DOCK7: variants seen among roughly 807,000 people sequenced by gnomAD.
DOCK7 encodes the protein dedicator of cytokinesis protein 7.
Under a neutral mutation model 271.0 loss-of-function variants are expected in DOCK7, and 138 were observed. The observed-to-expected ratio is 0.51, with a 90% CI of 0.44 to 0.59. The LOEUF (loss-of-function observed/expected upper bound fraction) is 0.59. Ranked by LOEUF, DOCK7 falls within the 20% of genes least tolerant of loss-of-function variation. The pLI is 0.00. For missense variants in DOCK7, 2,066 were observed against 2,592.4 expected (o/e 0.80, Z 4.41); for synonymous variants, 823 against 876.1 (o/e 0.94, Z 1.07).
chr1:62,472,687 C>G (rs756848088), intron 48 of DOCK7, among the ~76,000 whole-genome samples: 5 of 152,132 alleles, frequency 3.3e-5, no homozygotes, highest in Non-Finnish European at 7.3e-5. Context: ...TCTTACACCT[C>G]CCAAATAATA....
chr1:62,533,916 T>A (rs866084501), intron 29 of DOCK7, among the ~76,000 whole-genome samples: 5 of 151,972 alleles, frequency 3.3e-5, no homozygotes, highest in African/African-American at 9.7e-5. Context: ...AAAAAAAAAA[T>A]TTTAAGCCAT....
At chr1:62,619,261 T>C (rs1557811807) in intron 13 of DOCK7, among the ~76,000 whole-genome samples, 2 of 152,246 alleles carry the variant, frequency 1.3e-5, no homozygotes, top group Non-Finnish European at 2.9e-5. Context: ...GCTCCAATCA[T>C]AATATGAATC....
chr1:62,580,055 A>G (rs1027821424), intron 16 of DOCK7, among the ~76,000 whole-genome samples: 1 of 152,198 alleles, frequency 6.6e-6, no homozygotes, highest in Non-Finnish European at 1.5e-5. Flanking sequence ...TTCCATATTC[A>G]GTGAGTATCT....
intron 18 of DOCK7, among the ~76,000 whole-genome samples, chr1:62,574,767 C>T (rs1163543620): frequency 1.3e-5 from 2 of 152,052 alleles, no homozygotes; most frequent in African/African-American, 2.4e-5. Flanking sequence ...CTCACTCTGC[C>T]GCCCAGGCTG....
chr1:62,685,186 C>T (rs1250788285), intron 1 of DOCK7, among the ~76,000 whole-genome samples: 1 of 152,134 alleles, frequency 6.6e-6, no homozygotes, highest in Non-Finnish European at 1.5e-5. Flanking sequence ...CACAACAACC[C>T]TACGAGGTTA....
intron 14 of DOCK7, among the ~76,000 whole-genome samples, chr1:62,602,549 T>G (rs1650306997): frequency 6.6e-6 from 1 of 151,794 alleles, no homozygotes; most frequent in Non-Finnish European, 1.5e-5. Context: ...TTACACTTAT[T>G]ACAACTGTTA....
At position 62,601,734 on chromosome 1, in the gene DOCK7, C is replaced by T. The variant is rs1376670193; in HGVS notation, c.1683-15110G>A. 3.6e-6 allele frequency: 5 copies of T among 1,385,026 alleles called. No individual in the cohort carries two copies. The East Asian group carries it at 6.9e-5, about 19-fold the overall frequency. 85.8% of individuals were successfully genotyped at this position (1,385,026 alleles called of 1,614,324 possible). On this transcript the variant is annotated intron_variant, in intron 14 of 49. Coordinates refer to ENST00000635253, the MANE Select transcript of DOCK7 (RefSeq NM_001367561.1). ...AGCTCCAAAGATATTATTCCTATTA[C>T]TAAATCTGATGTAATAACATTTTAT...
In DOCK7 at chr1:62,533,102, C is replaced by A. The variant is rs895285539; in HGVS notation, c.3611+2391G>T. On this transcript the variant is annotated intron_variant, in intron 29 of 49. Transcript: ENST00000635253. Reference sequence around the variant, plus strand: ...TTCTGGGGGTTTATCCGTTCGGAGCCCCCCCTCCCTCTATATCAGGCAGCC... The same window carrying A: ...TTCTGGGGGTTTATCCGTTCGGAGCACCCCCTCCCTCTATATCAGGCAGCC... Among the ~76,000 whole-genome samples the A allele has an allele frequency of 7.3e-4, 111 of 152,050 alleles. 1 individual carries two copies. The highest frequency in any genetic ancestry group is 2.3e-3 in the Admixed American group (35 of 15,254).
In DOCK7 at chr1:62,461,590, C is replaced by A. The variant is rs190939606; in HGVS notation, c.6213-3885G>T. On this transcript the variant is annotated intron_variant, in intron 48 of 49. Coordinates refer to ENST00000635253, the MANE Select transcript of DOCK7 (RefSeq NM_001367561.1). The stretch of plus-strand genomic sequence containing the variant: ...GCTGAGGCAGGAGGATCGCTTGAAT[C>A]CAGCAGGTCAAGGCTGCAGTGAGCC... Among the ~76,000 whole-genome samples the A allele has an allele frequency of 5.6e-3, 850 of 151,286 alleles. 6 individuals carry two copies. Among genetic ancestry groups the A allele is most frequent in the African/African-American group, 0.019 (801 of 41,146 alleles).
At chr1:62,490,912 T>TA (rs1166795968) in intron 41 of DOCK7, among the ~76,000 whole-genome samples, 1 of 152,308 alleles carries the variant, frequency 6.6e-6, no homozygotes, top group East Asian at 1.9e-4. Context: ...CCTAATATTT[T>TA]AACTCTGCAA....
chr1:62,660,234 T>C (rs897051335), intron 2 of DOCK7, among the ~76,000 whole-genome samples: 4 of 152,130 alleles, frequency 2.6e-5, no homozygotes, highest in South Asian at 2.1e-4. Context: ...TCTCTGACTA[T>C]AGTAGAATCA....
chr1:62,503,450 T>C (rs903962469), intron 37 of DOCK7, among the ~76,000 whole-genome samples: 1 of 151,876 alleles, frequency 6.6e-6, no homozygotes, highest in Non-Finnish European at 1.5e-5. Flanking sequence ...AATTTTTTTT[T>C]TTTTTGAGAC....
intron 34 of DOCK7, among the ~76,000 whole-genome samples, chr1:62,509,970 A>G (rs143361325): frequency 8.5e-5 from 13 of 152,260 alleles, no homozygotes; most frequent in African/African-American, 3.1e-4. Context: ...CCATTCTCAA[A>G]GTTTTATGGG....
chr1:62,604,130 A>T (rs752084515), intron 14 of DOCK7: 2 of 1,613,430 alleles, frequency 1.2e-6, no homozygotes, highest in East Asian at 2.2e-5. Flanking sequence ...TCTAGTTGCG[A>T]TTACTGGCAA....
chr1:62,518,243 C>T (rs1644730955), intron 31 of DOCK7, among the ~76,000 whole-genome samples: 1 of 151,398 alleles, frequency 6.6e-6, no homozygotes, highest in African/African-American at 2.4e-5. Flanking sequence ...CAAGATCAGC[C>T]TGGCCAACAT....
chr1:62,663,896 G>A (rs1243521234), intron 1 of DOCK7, among the ~76,000 whole-genome samples: 2 of 152,256 alleles, frequency 1.3e-5, no homozygotes, highest in East Asian at 3.9e-4. Flanking sequence ...TGTTTTAAAA[G>A]GCTAACTTCC....
At chr1:62,645,561 T>C (rs990732627) in intron 7 of DOCK7, among the ~76,000 whole-genome samples, 2 of 152,184 alleles carry the variant, frequency 1.3e-5, no homozygotes, top group Non-Finnish European at 2.9e-5. Context: ...TTAACAAATA[T>C]GAGATTTCTT....
chr1:62,548,860 G>A (rs948306770), intron 22 of DOCK7, among the ~76,000 whole-genome samples: 4 of 152,212 alleles, frequency 2.6e-5, no homozygotes, highest in Non-Finnish European at 4.4e-5. Flanking sequence ...GGTAGCAATG[G>A]AGATGGAAAG....
intron 33 of DOCK7, 141 bp from the exon 34 acceptor site, chr1:62,510,814 A>T (rs1380619087): frequency 3.8e-6 from 2 of 522,814 alleles, no homozygotes; most frequent in Non-Finnish European, 6.5e-6. Flanking sequence ...AAAACCTGAC[A>T]ATGGTGCTTT....
Sources: allele counts gnomAD v4.1 joint callset (sites outside exome capture counted in the v4.1 genomes callset), GRCh38; gene constraint gnomAD v4.1.1; transcripts MANE v1.5; gene names NCBI Gene and HGNC (gene_info 2026-07-23, HGNC 2026-07-21).